Variants in ANK3 observed in about 807,000 individuals in gnomAD.
ANK3 encodes ankyrin 3, also known as ankyrin-3.
A neutral mutation model predicts 370.9 loss-of-function variants in ANK3; 57 were observed. The observed-to-expected ratio is 0.15, with a 90% confidence interval of 0.12 to 0.19. ANK3 has a LOEUF of 0.19. Among genes scored for constraint, ANK3 ranks in the 10% least tolerant of loss-of-function variants. The pLI is 1.00. For missense variants in ANK3, 4,439 were observed against 5,302.1 expected (o/e 0.84, Z 5.06); for synonymous variants, 1,929 against 1,946.3 (o/e 0.99, Z 0.23).
At chr10:60,530,779 A>G (rs902819205) in intron 2 of ANK3, among the ~76,000 whole-genome samples, 1 of 152,088 alleles carries the variant, frequency 6.6e-6, no homozygotes, top group Non-Finnish European at 1.5e-5. Flanking sequence ...TCTACACCTT[A>G]ATTTCTCAGA....
At position 60,229,956 on chromosome 10, in the gene ANK3, G is replaced by T. The variant is rs539196999; in HGVS notation, c.897+4732C>A. ...CTGAGGATGCAGGCAGTGGCAACTC[G>T]CTAGAAAGGCTAGAAGTTGGGAGGG... On this transcript the variant is annotated intron_variant, in intron 8 of 43. Coordinates refer to ENST00000280772, the MANE Select transcript of ANK3 (RefSeq NM_020987.5). 8.5e-5 allele frequency among the ~76,000 whole-genome samples: 13 copies of T among 152,234 alleles called. 1 individual carries two copies. In the South Asian group the frequency reaches 2.3e-3, roughly 27 times the overall value.
intron 7 of ANK3, among the ~76,000 whole-genome samples, chr10:60,240,430 G>A (rs377723710): frequency 6.0e-5 from 9 of 151,186 alleles, no homozygotes; most frequent in Admixed American, 2.6e-4. Flanking sequence ...TCAGCCTCCC[G>A]AGTAGCTGGG....
At chr10:60,426,536 T>C (rs1203020269) in intron 2 of ANK3, among the ~76,000 whole-genome samples, 1 of 152,094 alleles carries the variant, frequency 6.6e-6, no homozygotes, top group African/African-American at 2.4e-5. Context: ...AATGAGTCAT[T>C]TGGCAAATCT....
chr10:60,244,543 C>T (rs1165092414), intron 7 of ANK3, among the ~76,000 whole-genome samples: 3 of 152,066 alleles, frequency 2.0e-5, no homozygotes, highest in Non-Finnish European at 2.9e-5. Context: ...AAAAATAAGT[C>T]GAAGTGGCAT....
chr10:60,331,816 C>A (rs2132940999), intron 1 of ANK3, among the ~76,000 whole-genome samples: 1 of 152,176 alleles, frequency 6.6e-6, no homozygotes. Flanking sequence ...TAATTTATTG[C>A]AAGAAGCAAC....
At chr10:60,649,475 G>A (rs1257021271) in intron 1 of ANK3, among the ~76,000 whole-genome samples, 4 of 151,890 alleles carry the variant, frequency 2.6e-5, no homozygotes, top group African/African-American at 9.7e-5. Context: ...AATACCAAGG[G>A]TAAGAACTAT....
chr10:60,306,613 T>C (rs555501090), intron 1 of ANK3, among the ~76,000 whole-genome samples: 1 of 152,298 alleles, frequency 6.6e-6, no homozygotes, highest in Non-Finnish European at 1.5e-5. Context: ...TTGGATTGAA[T>C]GATAGTTCTA....
chr10:60,540,567 C>T (rs1330392966), intron 2 of ANK3, among the ~76,000 whole-genome samples: 1 of 151,902 alleles, frequency 6.6e-6, no homozygotes, highest in Admixed American at 6.6e-5. Flanking sequence ...TAAACACGGT[C>T]AGCTAAGAGA....
chr10:60,279,752 G>A, intron 1 of ANK3, 113 bp from the exon 2 acceptor site: 1 of 797,510 alleles, frequency 1.3e-6, no homozygotes, highest in Admixed American at 3.0e-5. Flanking sequence ...TTTCTAACAT[G>A]AAAATATGAA....
At chr10:60,302,547 G>A (rs2044055563) in intron 1 of ANK3, among the ~76,000 whole-genome samples, 1 of 152,110 alleles carries the variant, frequency 6.6e-6, no homozygotes, top group African/African-American at 2.4e-5. Context: ...CTCTGTTTGT[G>A]AGAAAGAAGC....
chr10:60,035,414 A>G (rs1335866276), intron 43 of ANK3, among the ~76,000 whole-genome samples: 1 of 151,604 alleles, frequency 6.6e-6, no homozygotes, highest in Non-Finnish European at 1.5e-5. Flanking sequence ...ATGCCTGGCT[A>G]ATTTTTATCT....
intron 2 of ANK3, among the ~76,000 whole-genome samples, chr10:60,602,066 G>A (rs1290616596): frequency 6.6e-6 from 1 of 152,038 alleles, no homozygotes; most frequent in Non-Finnish European, 1.5e-5. Flanking sequence ...GCTTACACTG[G>A]AATAGTAAGA....
At chr10:60,677,563 C>A (rs1003952585) in intron 1 of ANK3, among the ~76,000 whole-genome samples, 1 of 151,914 alleles carries the variant, frequency 6.6e-6, no homozygotes, top group Admixed American at 6.6e-5. Context: ...AGGTTGCAAC[C>A]TTACCATTCC....
rs565431527 is a variant in ANK3 at position 60,557,614 on chromosome 10, T to C, written c.96+57572A>G. 2.8e-3 allele frequency among the ~76,000 whole-genome samples: 426 copies of C among 152,298 alleles called. 3 individuals are homozygous for C. The highest frequency in any genetic ancestry group is 0.024 in the Middle Eastern group (7 of 294). On this transcript the variant is annotated intron_variant, in intron 2 of 43. Coordinates refer to the ANK3 transcript ENST00000373827. ...TGCCACTAAACTGTATATTTAAATA[T>C]ATATTGTAACCAATGTATTTTGCAA...
At chr10:60,371,554 A>T (rs1362871745) in intron 1 of ANK3, among the ~76,000 whole-genome samples, 1 of 152,210 alleles carries the variant, frequency 6.6e-6, no homozygotes, top group East Asian at 1.9e-4. Flanking sequence ...GAATCAAAAC[A>T]TGTATGTTTC....
At position 60,072,293 on chromosome 10, in the gene ANK3, T is replaced by C. The variant is rs371964932; in HGVS notation, c.8588A>G (p.Asn2863Ser). Residue 2863 changes from asparagine to serine, a missense_variant, in exon 37 of 44, where the codon AAT becomes AGT. Physicochemically the swap from Asn to Ser is conservative, Grantham distance 46. Coordinates refer to ENST00000280772, the MANE Select transcript of ANK3 (RefSeq NM_020987.5). ...CGAAAGTTTTTCTTTCTGAGACTTATTGTTAGTGGCTCCCGAACTCTCCCA... is the reference window on the plus strand; with the variant it reads ...CGAAAGTTTTTCTTTCTGAGACTTACTGTTAGTGGCTCCCGAACTCTCCCA... ...RTWESSGATN[N>S]KSQKEKLSHV... is the part of the protein sequence containing the mutation. 10 of 1,614,028 alleles carry C rather than the reference T, an allele frequency of 6.2e-6. No individual in the cohort carries two copies. The highest frequency in any genetic ancestry group is 8.5e-6 in the Non-Finnish European group (10 of 1,180,032).
intron 1 of ANK3, among the ~76,000 whole-genome samples, chr10:60,620,552 G>C (rs2078322100): frequency 6.6e-6 from 1 of 152,178 alleles, no homozygotes; most frequent in Non-Finnish European, 1.5e-5. Flanking sequence ...CCCAGGTTGA[G>C]GGACTCCAGA....
intron 23 of ANK3, among the ~76,000 whole-genome samples, chr10:60,147,468 A>G (rs1417115268): frequency 2.6e-5 from 4 of 152,112 alleles, no homozygotes; most frequent in Non-Finnish European, 4.4e-5. Flanking sequence ...TTCTTTCAAA[A>G]CAGAAAATAA....
intron 1 of ANK3, among the ~76,000 whole-genome samples, chr10:60,682,419 G>C (rs553382719): frequency 2.0e-5 from 3 of 150,478 alleles, no homozygotes; most frequent in Admixed American, 6.6e-5. Flanking sequence ...TTACATCAGT[G>C]TGGTGTTATG....
Sources: allele counts gnomAD v4.1 joint callset (sites outside exome capture counted in the v4.1 genomes callset), GRCh38; gene constraint gnomAD v4.1.1; transcripts MANE v1.5; gene names NCBI Gene and HGNC (gene_info 2026-07-23, HGNC 2026-07-21).